The following FBXO42 variants were observed in gnomAD, a reference collection of about 807,000 sequenced individuals.
FBXO42 encodes F-box only protein 42.
Under a neutral mutation model 71.7 loss-of-function variants are expected in FBXO42, and 12 were observed. The ratio of observed to expected loss-of-function variants is 0.17; its 90% CI spans 0.11 to 0.27. FBXO42 has a LOEUF of 0.27. FBXO42 is among the 10% of genes least tolerant of loss of function. The pLI is 1.00. For synonymous variants in FBXO42, 325 were observed against 327.5 expected, an observed-to-expected ratio of 0.99 and a Z score of 0.08; for missense variants, 707 against 911.9, an observed-to-expected ratio of 0.78 and a Z score of 2.89.
At chr1:16,330,003 G>C (rs554189216) in intron 1 of FBXO42, among the ~76,000 whole-genome samples, 1 of 152,134 alleles carries the variant, frequency 6.6e-6, no homozygotes, top group East Asian at 1.9e-4. Context: ...CAAATAATTC[G>C]TGTATGTACG....
Position 16,315,235 on chromosome 1 carries a change from G to GA in FBXO42, c.183dup (p.Leu62SerfsTer67). ...GTTTTGTGTTCCTGATACGGTGAGAGAAAGGACAGGATATACTCCAAAACC... is the reference window on the plus strand; with the variant it reads ...GTTTTGTGTTCCTGATACGGTGAGAGAAAAGGACAGGATATACTCCAAAACC... On this transcript the variant is annotated frameshift_variant, in exon 2 of 10. Transcript: ENST00000375592. LOFTEE classifies it high-confidence loss of function. 1 of 1,614,106 alleles carries GA rather than the reference G, an allele frequency of 6.2e-7. No homozygotes were observed. The highest frequency in any genetic ancestry group is 8.5e-7 in the Non-Finnish European group (1 of 1,179,998).
rs1366162479 is a variant in FBXO42 at position 16,250,879 on chromosome 1, G to C, written c.1945C>G (p.Leu649Val). The change falls in exon 10 of 10, where the codon CTG becomes GTG. Residue 649 changes from leucine to valine, a missense_variant. Physicochemically the swap from Leu to Val is conservative, Grantham distance 32. Around this residue, in one of 5 missense-constraint regions of FBXO42, gnomAD observed 482 missense variants for 587.1 expected, o/e 0.82. Coordinates refer to ENST00000375592, the MANE Select transcript of FBXO42 (RefSeq NM_018994.3). This position sits in a 1 kb window ranked among gnomAD's most constrained non-coding sequence, Gnocchi z 4.7. Reference sequence around the variant, plus strand: ...TTCTCCTTGGTGTCTTTAATGTCCAGCACGTACATCTGCATGGGCTTGCAG... The same window carrying C: ...TTCTCCTTGGTGTCTTTAATGTCCACCACGTACATCTGCATGGGCTTGCAG... ...MNCKPMQMYV[L>V]DIKDTKEKGR... 6.2e-7 allele frequency: 1 copy of C among 1,614,020 alleles called. No homozygotes were observed. The highest frequency in any genetic ancestry group is 8.5e-7 in the Non-Finnish European group (1 of 1,180,038).
chr1:16,282,484 C>G (rs1202658777), intron 4 of FBXO42, among the ~76,000 whole-genome samples: 2 of 151,336 alleles, frequency 1.3e-5, no homozygotes, highest in Non-Finnish European at 2.9e-5. Context: ...CCTCGGCCTC[C>G]CAAAGTGCTG....
At chr1:16,302,928 A>T (rs1218144626) in intron 3 of FBXO42, among the ~76,000 whole-genome samples, 1 of 152,172 alleles carries the variant, frequency 6.6e-6, no homozygotes, top group Admixed American at 6.6e-5. Context: ...CCCTTGACAC[A>T]TGGGGATTAC....
chr1:16,346,753 ATT>A (rs529276488), intron 1 of FBXO42, among the ~76,000 whole-genome samples: 1,373 of 125,070 alleles, frequency 0.011, 17 homozygotes, highest in African/African-American at 0.03. Flanking sequence ...TGAACAGTAC[ATT>A]TTTTTTTTTT....
Position 16,252,385 on chromosome 1 carries a change from A to T in FBXO42, c.941T>A (p.Leu314Ter). The T allele has an allele frequency of 6.2e-7, 1 of 1,614,144 alleles. No individual in the cohort carries two copies. Among genetic ancestry groups the T allele is most frequent in the Non-Finnish European group, 8.5e-7 (1 of 1,179,992 alleles). The change falls in exon 9 of 10, where the codon TTG becomes TAG. Residue 314 changes from leucine to a stop codon, truncating the protein, a stop_gained. Coordinates refer to ENST00000375592, the MANE Select transcript of FBXO42 (RefSeq NM_018994.3). LOFTEE classifies it high-confidence loss of function. This position sits in a 1 kb window ranked among gnomAD's most constrained non-coding sequence, Gnocchi z 4.4. ...CCAAGGACCAGAATGCATGTGCAACAACCAAGCATCCTTGAATAGCTGTAA... is the reference window on the plus strand; with the variant it reads ...CCAAGGACCAGAATGCATGTGCAACTACCAAGCATCCTTGAATAGCTGTAA... ...GPNALFKDAW[L>*]LHMHSGPWAW...
At chr1:16,279,500 C>T (rs567570321) in intron 4 of FBXO42, among the ~76,000 whole-genome samples, 17 of 152,264 alleles carry the variant, frequency 1.1e-4, no homozygotes, top group African/African-American at 3.9e-4. Context: ...CTGCTCCTCA[C>T]CAAAAAAATT....
intron 6 of FBXO42, 92 bp from the exon 7 acceptor site, chr1:16,253,823 G>A: frequency 2.6e-6 from 3 of 1,143,136 alleles, no homozygotes; most frequent in Non-Finnish European, 3.8e-6. Context: ...TGGCCCATCT[G>A]GCAAACTTGC....
chr1:16,269,883 T>C (rs1569834463), intron 4 of FBXO42, among the ~76,000 whole-genome samples: 1 of 151,376 alleles, frequency 6.6e-6, no homozygotes, highest in Non-Finnish European at 1.5e-5. Flanking sequence ...GTTTTTGAGA[T>C]GGAGTTTCAC....
chr1:16,304,245 T>C (rs111780824), intron 3 of FBXO42, among the ~76,000 whole-genome samples: 2,731 of 151,752 alleles, frequency 0.018, 34 homozygotes, highest in Middle Eastern at 0.037. Context: ...GCCTCCCAAA[T>C]AGCTGGGATT....
chr1:16,337,743 G>C (rs2100623333), intron 1 of FBXO42, among the ~76,000 whole-genome samples: 1 of 151,700 alleles, frequency 6.6e-6, no homozygotes, highest in South Asian at 2.1e-4. Context: ...AATTAGCTGG[G>C]CACGGCGACA....
At chr1:16,283,938 A>G (rs1466867374) in intron 4 of FBXO42, among the ~76,000 whole-genome samples, 3 of 152,220 alleles carry the variant, frequency 2.0e-5, no homozygotes, top group Non-Finnish European at 2.9e-5. Context: ...GATTTAAAGT[A>G]ACCGAAAAAG....
chr1:16,253,611 A>G, intron 7 of FBXO42, 24 bp downstream of exon 7: 1 of 1,609,554 alleles, frequency 6.2e-7, no homozygotes, highest in Non-Finnish European at 8.5e-7. Context: ...TGTTTGCTGA[A>G]TAGTTATTTT....
chr1:16,332,409 T>G (rs2082509075), intron 1 of FBXO42, among the ~76,000 whole-genome samples: 1 of 152,210 alleles, frequency 6.6e-6, no homozygotes, highest in Admixed American at 6.6e-5. Context: ...TGGAATTGAT[T>G]AAAAGATTTA....
At chr1:16,331,269 C>T (rs190431903) in intron 1 of FBXO42, among the ~76,000 whole-genome samples, 2,422 of 143,050 alleles carry the variant, frequency 0.017, 62 homozygotes, top group African/African-American at 0.058. Flanking sequence ...AAAAATTAGC[C>T]GGGCATGGTG....
intron 3 of FBXO42, among the ~76,000 whole-genome samples, chr1:16,302,419 G>C (rs1376124906): frequency 6.6e-6 from 1 of 152,192 alleles, no homozygotes; most frequent in Non-Finnish European, 1.5e-5. Context: ...GGCTGGAGAG[G>C]CCTCAGGAAA....
At chr1:16,315,035 C>A in intron 2 of FBXO42, 134 bp downstream of exon 2, 1 of 906,266 alleles carries the variant, frequency 1.1e-6, no homozygotes, top group South Asian at 1.9e-5. Flanking sequence ...AGAAAGAAAA[C>A]CGGGTAGTAT....
chr1:16,291,947 G>C (rs1934491), intron 4 of FBXO42, among the ~76,000 whole-genome samples: 49,485 of 151,838 alleles, frequency 0.33, 8,401 homozygotes, highest in Non-Finnish European at 0.37. Flanking sequence ...GCTGGGATTA[G>C]AGGAGTGAGC....
chr1:16,266,774 CT>C (rs1457292097), intron 4 of FBXO42, among the ~76,000 whole-genome samples: 2 of 152,104 alleles, frequency 1.3e-5, no homozygotes, highest in African/African-American at 4.8e-5. Context: ...AGTGACTGAC[CT>C]CAACAGCAGG....
Sources: gnomAD v4.1 joint callset for allele counts (sites outside exome capture counted in the v4.1 genomes callset) on GRCh38, gnomAD v4.1.1 for gene constraint, gnomAD v4.1.1 regional missense constraint, Gnocchi (gnomAD v3.1) non-coding constraint, MANE v1.5 for transcripts, NCBI Gene and HGNC (gene_info 2026-07-23, HGNC 2026-07-21) for gene names.